Variants in GABRB2 observed in about 807,000 individuals in gnomAD.
The protein encoded by GABRB2 is gamma-aminobutyric acid receptor subunit beta-2.
In GABRB2, 16 loss-of-function variants were observed where a neutral mutation model predicts 54.7. That is an observed-to-expected ratio of 0.29 (90% CI 0.20 to 0.44). The LOEUF (loss-of-function observed/expected upper bound fraction) is 0.44, where lower values mean the gene tolerates loss of function less well. Among genes scored for constraint, GABRB2 ranks in the 20% least tolerant of loss-of-function variants. The pLI, the probability that GABRB2 is intolerant of heterozygous loss-of-function variation, is 1.00. For missense variants in GABRB2, 355 were observed against 644.0 expected, an observed-to-expected ratio of 0.55 and a Z score of 4.86; for synonymous variants, 244 against 233.8, an observed-to-expected ratio of 1.04 and a Z score of -0.40.
chr5:161,452,746 C>T (rs1757826179), intron 4 of GABRB2, among the ~76,000 whole-genome samples: 1 of 152,002 alleles, frequency 6.6e-6, no homozygotes, highest in Admixed American at 6.6e-5. Context: ...GTAATCCTAG[C>T]ACTTTGGGAA....
intron 4 of GABRB2, among the ~76,000 whole-genome samples, chr5:161,426,738 A>G (rs1757009855): frequency 6.6e-6 from 1 of 152,164 alleles, no homozygotes; most frequent in Non-Finnish European, 1.5e-5. Context: ...AGAAAAGGGT[A>G]TAAATACTCA....
intron 5 of GABRB2, among the ~76,000 whole-genome samples, chr5:161,338,920 C>A (rs1386317379): frequency 1.3e-5 from 2 of 152,080 alleles, no homozygotes; most frequent in Admixed American, 6.6e-5. Context: ...AAATTTTCTA[C>A]CCAATCCTGA....
chr5:161,335,206 T>G (rs536464369), intron 6 of GABRB2, among the ~76,000 whole-genome samples: 4 of 152,122 alleles, frequency 2.6e-5, no homozygotes, highest in Non-Finnish European at 4.4e-5. Context: ...GACAGTTCTT[T>G]TTTTCATTCT....
chr5:161,528,488 A>C (rs1389604819), intron 3 of GABRB2, among the ~76,000 whole-genome samples: 1 of 151,804 alleles, frequency 6.6e-6, no homozygotes, highest in Non-Finnish European at 1.5e-5. Flanking sequence ...ATATAGAAAT[A>C]GTTTTCTAGA....
intron 4 of GABRB2, among the ~76,000 whole-genome samples, chr5:161,439,841 G>A (rs978655208): frequency 8.6e-5 from 13 of 151,916 alleles, no homozygotes; most frequent in Admixed American, 7.2e-4. Flanking sequence ...GGGGGAGGGA[G>A]GGCATAAGGA....
At chr5:161,386,003 G>C (rs1755621957) in intron 5 of GABRB2, among the ~76,000 whole-genome samples, 1 of 146,090 alleles carries the variant, frequency 6.8e-6, no homozygotes, top group South Asian at 2.2e-4. Flanking sequence ...TGTGTTACTT[G>C]AGAATTCCCA....
intron 4 of GABRB2, among the ~76,000 whole-genome samples, chr5:161,440,062 C>CAAAAAAAAAAAA (rs61152845): frequency 2.6e-5 from 2 of 77,172 alleles, no homozygotes; most frequent in East Asian, 3.7e-4. Flanking sequence ...AACCTCAAAC[C>CAAAAAAAAAAAA]AAAAAAAAAA....
At chr5:161,439,020 A>G (rs1425034740) in intron 4 of GABRB2, among the ~76,000 whole-genome samples, 2 of 152,208 alleles carry the variant, frequency 1.3e-5, no homozygotes, top group African/African-American at 4.8e-5. Flanking sequence ...TCCCAAACCT[A>G]GAGACAGATA....
At chr5:161,514,649 T>C (rs1759879985) in intron 3 of GABRB2, among the ~76,000 whole-genome samples, 1 of 152,058 alleles carries the variant, frequency 6.6e-6, no homozygotes, top group Non-Finnish European at 1.5e-5. Flanking sequence ...AAATGGTCCT[T>C]AATGTGCATG....
intron 4 of GABRB2, among the ~76,000 whole-genome samples, chr5:161,433,776 G>A (rs1049615671): frequency 6.6e-6 from 1 of 151,632 alleles, no homozygotes; most frequent in Non-Finnish European, 1.5e-5. Context: ...TTATTTACAG[G>A]TTCTTTCCTA....
At chr5:161,507,343 C>T (rs995430334) in intron 3 of GABRB2, among the ~76,000 whole-genome samples, 10 of 151,936 alleles carry the variant, frequency 6.6e-5, no homozygotes, top group African/African-American at 1.9e-4. Flanking sequence ...ATTGTCCCAA[C>T]GTTAATTTCT....
chr5:161,446,273 G>A (rs1229319165), intron 4 of GABRB2, among the ~76,000 whole-genome samples: 2 of 151,964 alleles, frequency 1.3e-5, no homozygotes, highest in Non-Finnish European at 2.9e-5. Flanking sequence ...TTGACTGGAT[G>A]GATTGATGGA....
Position 161,467,075 on chromosome 5 carries a change from G to T in GABRB2, c.238-7231C>A, listed in dbSNP as rs374143729. ...AAAGTTTATTTTCATCAGTGATAAG[G>T]TATAGTCTGTTTAATTTGCTTTGTC... On this transcript the variant is annotated intron_variant, in intron 3 of 9. Transcript: ENST00000393959. Among the ~76,000 whole-genome samples the T allele has an allele frequency of 5.3e-5, 8 of 152,058 alleles. No homozygotes were observed. In the East Asian group the frequency reaches 1.6e-3, roughly 30 times the overall value.
At chr5:161,454,816 C>T (rs995096804) in intron 4 of GABRB2, among the ~76,000 whole-genome samples, 1 of 152,042 alleles carries the variant, frequency 6.6e-6, no homozygotes, top group African/African-American at 2.4e-5. Context: ...CGACAAAAGT[C>T]CAAATTAAAA....
intron 8 of GABRB2, chr5:161,326,910 G>T (rs1026673996): frequency 4.0e-6 from 3 of 752,874 alleles, no homozygotes; most frequent in Non-Finnish European, 4.9e-6. Context: ...TCAAATATGC[G>T]TGTTCTTAGT....
At chr5:161,310,873 C>G (rs928023969) in intron 9 of GABRB2, among the ~76,000 whole-genome samples, 6 of 152,040 alleles carry the variant, frequency 3.9e-5, no homozygotes, top group African/African-American at 1.2e-4. Flanking sequence ...CGCCGTTCTC[C>G]TGCCTCAGCC....
At chr5:161,539,423 A>T (rs907633624) in intron 3 of GABRB2, among the ~76,000 whole-genome samples, 11 of 152,180 alleles carry the variant, frequency 7.2e-5, no homozygotes, top group African/African-American at 2.7e-4. Context: ...ACTGCATGCC[A>T]TTTAGGAGTT....
intron 5 of GABRB2, among the ~76,000 whole-genome samples, chr5:161,389,070 A>G (rs1171390836): frequency 2.0e-5 from 3 of 152,054 alleles, no homozygotes; most frequent in Admixed American, 2.0e-4. Flanking sequence ...CATTAACCAG[A>G]TCAGTGACCT....
At chr5:161,397,522 C>T (rs1017272994) in intron 5 of GABRB2, among the ~76,000 whole-genome samples, 3 of 152,082 alleles carry the variant, frequency 2.0e-5, no homozygotes, top group African/African-American at 7.2e-5. Flanking sequence ...ATGAGAGTGG[C>T]TTTGTGTCTT....
Sources: allele counts gnomAD v4.1 joint callset (sites outside exome capture counted in the v4.1 genomes callset), GRCh38; gene constraint gnomAD v4.1.1; transcripts MANE v1.5; gene names NCBI Gene and HGNC (gene_info 2026-07-23, HGNC 2026-07-21).